Variants in SVIL observed in about 807,000 individuals in gnomAD.
SVIL encodes archvillin.
A neutral mutation model predicts 240.4 loss-of-function variants in SVIL; 101 were observed. That is an observed-to-expected ratio of 0.42 (90% confidence interval 0.36 to 0.50). The LOEUF is 0.50. SVIL is among the 20% of genes least tolerant of loss of function. The pLI is 0.01. For missense variants in SVIL, 2,512 were observed against 2,818.7 expected (o/e 0.89, Z 2.46); for synonymous variants, 999 against 1,100.0 (o/e 0.91, Z 1.82).
At chr10:29,707,781 A>C (rs1962994242) in intron 1 of SVIL, among the ~76,000 whole-genome samples, 1 of 152,160 alleles carries the variant, frequency 6.6e-6, no homozygotes, top group Non-Finnish European at 1.5e-5. Flanking sequence ...CACTGTGCTA[A>C]GGACTTTTCG....
chr10:29,462,431 G>C (rs1944372849), intron 35 of SVIL, 30 bp from the exon 36 acceptor site: 1 of 1,602,856 alleles, frequency 6.2e-7, no homozygotes, highest in Non-Finnish European at 8.5e-7. Flanking sequence ...AATGTCAGTA[G>C]ACCCCAGGGA....
intron 1 of SVIL, among the ~76,000 whole-genome samples, chr10:29,594,753 C>T (rs933750294): frequency 3.3e-5 from 5 of 152,040 alleles, no homozygotes; most frequent in East Asian, 1.9e-4. Flanking sequence ...GACAGGGTTT[C>T]GCCATATTGC....
intron 3 of SVIL, among the ~76,000 whole-genome samples, chr10:29,560,843 C>T (rs979166588): frequency 7.6e-5 from 11 of 145,276 alleles, no homozygotes; most frequent in African/African-American, 2.5e-4. Flanking sequence ...GGCACTGGCA[C>T]TTTTTTTTTT....
At chr10:29,695,704 A>G (rs1273375790) in intron 1 of SVIL, among the ~76,000 whole-genome samples, 1 of 152,142 alleles carries the variant, frequency 6.6e-6, no homozygotes, top group Non-Finnish European at 1.5e-5. Context: ...AGATTGCACC[A>G]CTGCACTCCA....
intron 1 of SVIL, among the ~76,000 whole-genome samples, chr10:29,589,528 A>T (rs569129744): frequency 6.6e-6 from 1 of 152,336 alleles, no homozygotes; most frequent in Non-Finnish European, 1.5e-5. Flanking sequence ...AGGCCAAATT[A>T]GATGGCACTG....
intron 6 of SVIL, among the ~76,000 whole-genome samples, chr10:29,543,923 T>C (rs1338735086): frequency 6.6e-6 from 1 of 152,060 alleles, no homozygotes; most frequent in East Asian, 1.9e-4. Flanking sequence ...AATGAGGAAG[T>C]GGTGACTTTA....
intron 1 of SVIL, among the ~76,000 whole-genome samples, chr10:29,612,863 C>T (rs1289030663): frequency 6.6e-6 from 1 of 152,088 alleles, no homozygotes; most frequent in Non-Finnish European, 1.5e-5. Flanking sequence ...GGCTGGATGG[C>T]ACTGGGCCAA....
intron 1 of SVIL, among the ~76,000 whole-genome samples, chr10:29,631,905 C>G (rs997226399): frequency 1.3e-5 from 2 of 152,140 alleles, no homozygotes; most frequent in Non-Finnish European, 2.9e-5. Flanking sequence ...CAATGAAGCC[C>G]AGAACTGCTG....
At chr10:29,661,495 G>A (rs1959161387) in intron 2 of SVIL, among the ~76,000 whole-genome samples, 1 of 152,190 alleles carries the variant, frequency 6.6e-6, no homozygotes, top group Non-Finnish European at 1.5e-5. Context: ...AGGAGGAGAT[G>A]CTAGCTAAGC....
chr10:29,654,935 C>T (rs1958951335), intron 3 of SVIL, among the ~76,000 whole-genome samples: 1 of 152,094 alleles, frequency 6.6e-6, no homozygotes, highest in African/African-American at 2.4e-5. Flanking sequence ...TCTATCCAGG[C>T]CCGGAGTCAA....
At chr10:29,598,110 C>A (rs1956669204) in intron 1 of SVIL, among the ~76,000 whole-genome samples, 1 of 152,118 alleles carries the variant, frequency 6.6e-6, no homozygotes, top group Non-Finnish European at 1.5e-5. Context: ...CAACGTAGAT[C>A]ATGCTAAGTA....
rs542122528 is a variant in SVIL at position 29,591,254 on chromosome 10, C to T, written c.-200-21942G>A. The stretch of plus-strand genomic sequence containing the variant: ...GTGCTTCTGCATTGCTGGTTTCTCT[C>T]TTCAGCTCCTTGGCTGTCATTCTCA... On this transcript the variant is annotated intron_variant, in intron 1 of 37. Transcript: ENST00000355867. Among the ~76,000 whole-genome samples the T allele has an allele frequency of 5.6e-4, 85 of 152,326 alleles. 1 individual carries two copies. The highest frequency in any genetic ancestry group is 2.0e-3 in the African/African-American group (84 of 41,580).
chr10:29,728,735 G>C lies in SVIL; in HGVS notation c.-400+7016C>G, dbSNP rs11817315. ...AGCTAGCAGCATGGAGGAGCTGAAC[G>C]GGCAGCTGAATTGGCCAGAGGAAAG... On this transcript the variant is annotated intron_variant, in intron 1 of 35. Transcript: ENST00000375400. Among the ~76,000 whole-genome samples, 1,489 of 152,256 alleles carry C rather than the reference G, an allele frequency of 9.8e-3. 16 individuals are homozygous for C. The highest frequency in any genetic ancestry group is 0.035 in the African/African-American group (1,441 of 41,544).
intron 2 of SVIL, among the ~76,000 whole-genome samples, chr10:29,660,061 G>A (rs1182790592): frequency 2.0e-5 from 3 of 152,214 alleles, no homozygotes; most frequent in Non-Finnish European, 2.9e-5. Flanking sequence ...GCTCATGTCT[G>A]TAATCCCAGC....
intron 1 of SVIL, among the ~76,000 whole-genome samples, chr10:29,583,761 A>T (rs1203564860): frequency 6.6e-6 from 1 of 152,220 alleles, no homozygotes; most frequent in Non-Finnish European, 1.5e-5. Flanking sequence ...AGGAAAGCAG[A>T]TCCCGTGCTC....
chr10:29,547,818 C>T (rs1034743946), intron 6 of SVIL, among the ~76,000 whole-genome samples: 1 of 152,138 alleles, frequency 6.6e-6, no homozygotes, highest in Admixed American at 6.6e-5. Context: ...AAATTAGATT[C>T]CCCATTTCTT....
intron 1 of SVIL, among the ~76,000 whole-genome samples, chr10:29,589,203 G>C (rs117710114): frequency 5.3e-5 from 8 of 152,360 alleles, no homozygotes; most frequent in African/African-American, 1.9e-4. Context: ...GGAAAGCAGC[G>C]TTGGGAAACG....
At chr10:29,477,204 G>A (rs917562079) in intron 29 of SVIL, among the ~76,000 whole-genome samples, 1 of 152,206 alleles carries the variant, frequency 6.6e-6, no homozygotes, top group African/African-American at 2.4e-5. Flanking sequence ...CTAATTTAAA[G>A]TGTGGACATG....
intron 1 of SVIL, among the ~76,000 whole-genome samples, chr10:29,583,614 T>C (rs1213269398): frequency 2.0e-5 from 3 of 152,172 alleles, no homozygotes; most frequent in Non-Finnish European, 4.4e-5. Flanking sequence ...TGGGTTGTAT[T>C]AACTGGTACC....
Sources: allele counts gnomAD v4.1 joint callset (sites outside exome capture counted in the v4.1 genomes callset), GRCh38; gene constraint gnomAD v4.1.1; transcripts MANE v1.5; gene names NCBI Gene and HGNC (gene_info 2026-07-23, HGNC 2026-07-21).